The following EPHA3 variants were observed in gnomAD, a reference collection of about 807,000 sequenced individuals.
The protein encoded by EPHA3 is ephrin type-A receptor 3.
Under a neutral mutation model 107.1 loss-of-function variants are expected in EPHA3, and 42 were observed. The ratio of observed to expected loss-of-function variants is 0.39; its 90% CI spans 0.31 to 0.51. The LOEUF (loss-of-function observed/expected upper bound fraction) is 0.51. Ranked by LOEUF, EPHA3 falls within the 20% of genes least tolerant of loss-of-function variation. The pLI is 0.78. For synonymous variants in EPHA3, 461 were observed against 424.8 expected, an observed-to-expected ratio of 1.09 and a Z score of -1.05; for missense variants, 1,183 against 1,211.2, an observed-to-expected ratio of 0.98 and a Z score of 0.35.
intron 3 of EPHA3, among the ~76,000 whole-genome samples, chr3:89,301,120 G>T (rs1035033400): frequency 6.6e-6 from 1 of 151,968 alleles, no homozygotes; most frequent in Non-Finnish European, 1.5e-5. Flanking sequence ...GACCAAATAA[G>T]AAATACCATT....
chr3:89,399,224 A>G, intron 6 of EPHA3, 94 bp from the exon 7 acceptor site: 1 of 1,135,300 alleles, frequency 8.8e-7, no homozygotes, highest in Non-Finnish European at 1.2e-6. Context: ...GTGTTAAAAT[A>G]TAAAAGAATC....
chr3:89,249,724 G>T (rs539073657), intron 3 of EPHA3, among the ~76,000 whole-genome samples: 75 of 152,288 alleles, frequency 4.9e-4, no homozygotes, highest in Non-Finnish European at 9.8e-4. Flanking sequence ...GCCTCCCGAA[G>T]TTCTGGGATT....
chr3:89,130,273 A>G (rs1290953362), intron 2 of EPHA3, among the ~76,000 whole-genome samples: 2 of 152,200 alleles, frequency 1.3e-5, no homozygotes, highest in Non-Finnish European at 2.9e-5. Flanking sequence ...TTAGGGGATT[A>G]ATAATAGCAT....
chr3:89,329,251 T>C (rs1343047002), intron 3 of EPHA3, among the ~76,000 whole-genome samples: 3 of 151,936 alleles, frequency 2.0e-5, no homozygotes, highest in Non-Finnish European at 4.4e-5. Context: ...CAATTCTCTC[T>C]CCTCCTTCTC....
intron 2 of EPHA3, among the ~76,000 whole-genome samples, chr3:89,158,361 C>T (rs1559756911): frequency 6.6e-6 from 1 of 152,026 alleles, no homozygotes; most frequent in Non-Finnish European, 1.5e-5. Context: ...CATTAGGTGA[C>T]ATTGTCTCTT....
At chr3:89,456,980 A>G (rs1372755592) in intron 15 of EPHA3, among the ~76,000 whole-genome samples, 2 of 152,238 alleles carry the variant, frequency 1.3e-5, no homozygotes, top group Admixed American at 6.5e-5. Flanking sequence ...TTAGAACACT[A>G]TAATACCCCT....
intron 3 of EPHA3, among the ~76,000 whole-genome samples, chr3:89,224,721 C>T (rs528531854): frequency 2.0e-5 from 3 of 151,944 alleles, no homozygotes; most frequent in African/African-American, 7.2e-5. Flanking sequence ...TGGTGTCATG[C>T]ATCTGTAATC....
chr3:89,341,024 A>G lies in EPHA3; in HGVS notation c.923A>G (p.Asn308Ser). The change falls in exon 4 of 17, where the codon AAT becomes AGT. Residue 308 changes from asparagine to serine, a missense_variant. Coordinates refer to ENST00000336596, the MANE Select transcript of EPHA3 (RefSeq NM_005233.6). ...EDGSMNCRCE[N>S]NYFRADKDPP... ...GGTTCAATGAACTGCAGGTGTGAGA[A>G]TAATTACTTCCGGGCAGACAAAGAC... 6.2e-7 allele frequency: 1 copy of G among 1,614,184 alleles called. No individual in the cohort carries two copies. The highest frequency in any genetic ancestry group is 8.5e-7 in the Non-Finnish European group (1 of 1,180,012).
intron 15 of EPHA3, among the ~76,000 whole-genome samples, chr3:89,459,787 TG>T (rs1306861461): frequency 6.6e-6 from 1 of 152,144 alleles, no homozygotes; most frequent in East Asian, 1.9e-4. Context: ...CCTTTCAAAT[TG>T]CTGAGAATTC....
At chr3:89,408,717 A>G (rs1457773687) in intron 9 of EPHA3, among the ~76,000 whole-genome samples, 1 of 152,106 alleles carries the variant, frequency 6.6e-6, no homozygotes, top group Non-Finnish European at 1.5e-5. Context: ...ACTAACAAAA[A>G]GACTTTTTTT....
At chr3:89,196,685 C>T (rs1017247220) in intron 2 of EPHA3, among the ~76,000 whole-genome samples, 3 of 152,048 alleles carry the variant, frequency 2.0e-5, no homozygotes, top group African/African-American at 7.2e-5. Flanking sequence ...TCATAGTAGT[C>T]AAAATTATAC....
At chr3:89,265,435 C>T (rs935656584) in intron 3 of EPHA3, among the ~76,000 whole-genome samples, 6 of 152,036 alleles carry the variant, frequency 3.9e-5, no homozygotes, top group African/African-American at 1.4e-4. Context: ...AAAAATGTTG[C>T]TCCTTCAAAA....
rs543139706 is a variant in EPHA3, at chr3:89,255,872, G to T, written c.814+45352G>T. The stretch of plus-strand genomic sequence containing the variant: ...GCCAAGATCGTACCACTGCACTCCA[G>T]CCTGGGTGACAGAGTGAGACTCCAT... On this transcript the variant is annotated intron_variant, in intron 3 of 16. Coordinates refer to ENST00000336596, the MANE Select transcript of EPHA3 (RefSeq NM_005233.6). 2.6e-4 allele frequency among the ~76,000 whole-genome samples: 40 copies of T among 152,088 alleles called. 1 individual carries two copies. In the South Asian group the frequency reaches 4.8e-3, roughly 18 times the overall value.
At chr3:89,361,583 A>C (rs1465485813) in intron 5 of EPHA3, among the ~76,000 whole-genome samples, 5 of 151,148 alleles carry the variant, frequency 3.3e-5, no homozygotes, top group Non-Finnish European at 5.9e-5. Context: ...TAAGGATTTT[A>C]TGCTTTTCAC....
intron 3 of EPHA3, among the ~76,000 whole-genome samples, chr3:89,320,331 G>A (rs868655389): frequency 5.9e-5 from 9 of 152,038 alleles, no homozygotes; most frequent in Middle Eastern, 3.4e-3. Context: ...TGTTCATCTC[G>A]TGCTATTCTC....
At chr3:89,378,752 GTATTTGTATCTGCA>G (rs1708448113) in intron 5 of EPHA3, among the ~76,000 whole-genome samples, 1 of 152,138 alleles carries the variant, frequency 6.6e-6, no homozygotes, top group Non-Finnish European at 1.5e-5. Flanking sequence ...AAGTATTGCT[GTATTTGTATCTGCA>G]TGATTTCCTT....
intron 5 of EPHA3, among the ~76,000 whole-genome samples, chr3:89,360,844 T>C (rs182466085): frequency 6.6e-6 from 1 of 151,284 alleles, no homozygotes; most frequent in East Asian, 1.9e-4. Context: ...CTGTGTAATT[T>C]CAAATATTTA....
intron 5 of EPHA3, among the ~76,000 whole-genome samples, chr3:89,375,126 A>C (rs1008726794): frequency 3.3e-5 from 5 of 151,678 alleles, no homozygotes; most frequent in African/African-American, 1.2e-4. Flanking sequence ...GTGTTTTTTT[A>C]GTTTTCCTAA....
intron 7 of EPHA3, among the ~76,000 whole-genome samples, chr3:89,401,073 T>C (rs1391136752): frequency 6.6e-6 from 1 of 152,222 alleles, no homozygotes; most frequent in African/African-American, 2.4e-5. Flanking sequence ...TATATTTTTG[T>C]GTCCAAATTT....
Sources: gnomAD v4.1 joint callset for allele counts (sites outside exome capture counted in the v4.1 genomes callset) on GRCh38, gnomAD v4.1.1 for gene constraint, MANE v1.5 for transcripts, NCBI Gene and HGNC (gene_info 2026-07-23, HGNC 2026-07-21) for gene names.